ZBTB37: variants seen among roughly 807,000 people sequenced by gnomAD.
ZBTB37 encodes the protein zinc finger and BTB domain containing 37.
In ZBTB37, 15 loss-of-function variants were observed where a neutral mutation model predicts 37.7. That is an observed-to-expected ratio of 0.40 (90% CI 0.27 to 0.61). The LOEUF is 0.61. ZBTB37 is among the 20% of genes least tolerant of loss of function. ZBTB37 has a pLI of 0.44. For missense variants in ZBTB37, 514 were observed against 641.9 expected (o/e 0.80, Z 2.15); for synonymous variants, 231 against 220.6 (o/e 1.05, Z -0.42).
chr1:173,900,613 G>A (rs571499937), exon 4 of ZBTB37: 3 of 152,322 alleles, frequency 2.0e-5, no homozygotes, highest in Non-Finnish European at 2.9e-5. Flanking sequence ...TTACAAGTAC[G>A]TGGTAATTTG....
At chr1:173,871,465 C>T (rs974499107) in intron 3 of ZBTB37, among the ~76,000 whole-genome samples, 7 of 152,142 alleles carry the variant, frequency 4.6e-5, no homozygotes, top group African/African-American at 1.4e-4. Context: ...AGGCAGGGAG[C>T]CGATCATCAG....
At chr1:173,877,383 T>C (rs1380156289) in intron 4 of ZBTB37, among the ~76,000 whole-genome samples, 2 of 147,292 alleles carry the variant, frequency 1.4e-5, no homozygotes, top group African/African-American at 2.5e-5. Flanking sequence ...CTTTTTTTTT[T>C]TTTTTTTTTT....
exon 4 of ZBTB37, chr1:173,900,791 T>A (rs1657224155): frequency 6.6e-6 from 1 of 152,238 alleles, no homozygotes; most frequent in Non-Finnish European, 1.5e-5. Flanking sequence ...ATGCCTCCTA[T>A]GCCTTAGAAA....
At chr1:173,878,101 A>G (rs1440213935) in intron 4 of ZBTB37, among the ~76,000 whole-genome samples, 1 of 152,178 alleles carries the variant, frequency 6.6e-6, no homozygotes, top group African/African-American at 2.4e-5. Flanking sequence ...TTCTGCATCT[A>G]AAGTCTGAAT....
At chr1:173,881,402 C>T (rs1201068777) in intron 4 of ZBTB37, among the ~76,000 whole-genome samples, 7 of 152,204 alleles carry the variant, frequency 4.6e-5, no homozygotes, top group East Asian at 3.9e-4. Flanking sequence ...TGAACAGTGT[C>T]GCAATAAACA....
chr1:173,873,211 G>A (rs552743287), intron 3 of ZBTB37, among the ~76,000 whole-genome samples: 1 of 152,182 alleles, frequency 6.6e-6, no homozygotes, highest in South Asian at 2.1e-4. Flanking sequence ...AAGGAAGAAA[G>A]CTTATATTTA....
chr1:173,888,722 A>T (rs138248787), downstream of ZBTB37: 290 of 152,296 alleles, frequency 1.9e-3, 1 homozygote, highest in African/African-American at 6.5e-3. Flanking sequence ...GAGCCAGTGA[A>T]CTTGGCCTGG....
At chr1:173,873,916 A>T (rs1360339974) in intron 4 of ZBTB37, among the ~76,000 whole-genome samples, 1 of 152,238 alleles carries the variant, frequency 6.6e-6, no homozygotes, top group Non-Finnish European at 1.5e-5. Flanking sequence ...CAATTTTGAT[A>T]AATACAGAAA....
chr1:173,890,463 C>A (rs183515057), downstream of ZBTB37: 27 of 152,150 alleles, frequency 1.8e-4, no homozygotes, highest in Admixed American at 1.7e-3. Flanking sequence ...TGTCCTTCCC[C>A]TTATCTGTGT....
exon 4 of ZBTB37, chr1:173,895,939 C>T (rs1210651326): frequency 6.6e-6 from 1 of 152,114 alleles, no homozygotes; most frequent in African/African-American, 2.4e-5. Flanking sequence ...TGAGATTATC[C>T]AGTCCATGTG....
At chr1:173,894,046 T>G (rs1656950240) in exon 4 of ZBTB37, 1 of 152,234 alleles carries the variant, frequency 6.6e-6, no homozygotes, top group Non-Finnish European at 1.5e-5. Context: ...TGTGAATGTG[T>G]AATTCAAGAG....
chr1:173,880,729 C>G (rs1424792706), intron 4 of ZBTB37, among the ~76,000 whole-genome samples: 2 of 152,104 alleles, frequency 1.3e-5, no homozygotes, highest in Non-Finnish European at 2.9e-5. Flanking sequence ...AATAAAACTA[C>G]AAAAAGTATA....
chr1:173,869,900 C>T (rs1572044285), intron 2 of ZBTB37, among the ~76,000 whole-genome samples: 1 of 152,264 alleles, frequency 6.6e-6, no homozygotes, highest in East Asian at 1.9e-4. Context: ...TTCCCCCTAC[C>T]TTCTGTTGAA....
At chr1:173,884,137 A>G (rs546540397) in intron 4 of ZBTB37, among the ~76,000 whole-genome samples, 6 of 151,700 alleles carry the variant, frequency 4.0e-5, no homozygotes, top group Non-Finnish European at 8.8e-5. Flanking sequence ...AACAAAAAGC[A>G]TTTCTAAATC....
chr1:173,886,280 C>A, exon 5 of ZBTB37: 1 of 1,210,844 alleles, frequency 8.3e-7, no homozygotes, highest in Non-Finnish European at 1.1e-6. Flanking sequence ...GCAACTTACA[C>A]AAAAGCACTA....
chr1:173,888,418 TC>T (rs1656711986), downstream of ZBTB37: 2 of 152,164 alleles, frequency 1.3e-5, no homozygotes, highest in African/African-American at 4.8e-5. Flanking sequence ...GTTCTGTTTT[TC>T]TTTTTCTTCT....
chr1:173,882,487 A>G (rs1014532434), intron 4 of ZBTB37, among the ~76,000 whole-genome samples: 2 of 151,718 alleles, frequency 1.3e-5, no homozygotes, highest in African/African-American at 2.4e-5. Context: ...TGATTCGCCC[A>G]CCTCGGCCTC....
chr1:173,896,910 T>A (rs1267124813), exon 4 of ZBTB37: 10 of 152,266 alleles, frequency 6.6e-5, no homozygotes. Flanking sequence ...ATAGTGTGAC[T>A]GAAGTCCGTC....
chr1:173,881,572 CA>C (rs1656310331), intron 4 of ZBTB37, among the ~76,000 whole-genome samples: 1 of 152,226 alleles, frequency 6.6e-6, no homozygotes, highest in Non-Finnish European at 1.5e-5. Context: ...GTCCCACCAA[CA>C]GTGCAAAAGT....
Sources: gnomAD v4.1 joint callset for allele counts (sites outside exome capture counted in the v4.1 genomes callset) on GRCh38, gnomAD v4.1.1 for gene constraint, MANE v1.5 for transcripts, NCBI Gene and HGNC (gene_info 2026-07-23, HGNC 2026-07-21) for gene names.